The following CAPG variants were observed in gnomAD, a reference collection of about 807,000 sequenced individuals.
The protein encoded by CAPG is capping actin protein, gelsolin like.
In CAPG, 32 loss-of-function variants were observed where a neutral mutation model predicts 44.6. The observed-to-expected ratio is 0.72, with a 90% CI of 0.54 to 0.96. The LOEUF is 0.96. Among genes scored for constraint, CAPG ranks in the 50% least tolerant of loss-of-function variants. The pLI is 0.00. For missense variants in CAPG, 412 were observed against 438.3 expected (o/e 0.94, Z 0.54); for synonymous variants, 175 against 179.6 (o/e 0.97, Z 0.20).
intron 1 of CAPG, among the ~76,000 whole-genome samples, chr2:85,407,980 C>A (rs1257402112): frequency 2.0e-5 from 3 of 152,102 alleles, no homozygotes; most frequent in South Asian, 2.1e-4. Context: ...CCTATCCCAG[C>A]CCTCTGTCCA....
At chr2:85,402,198 C>T in intron 1 of CAPG, 40 bp from the exon 2 acceptor site, 1 of 1,535,252 alleles carries the variant, frequency 6.5e-7, no homozygotes, top group Non-Finnish European at 8.9e-7. Context: ...ACAAATGCCA[C>T]AAAAAGGACC....
Position 85,401,298 on chromosome 2 carries a change from G to A in CAPG, c.383C>T (p.Thr128Ile), listed in dbSNP as rs1355064075. The A allele has an allele frequency of 3.1e-6, 5 of 1,614,034 alleles. No individual in the cohort carries two copies. The highest frequency in any genetic ancestry group is 1.3e-5 in the African/African-American group (1 of 74,918). ...EGGVESAFHK[T>I]STGAPAAIKK... ...GATGGCAGCTGGGGCTCCTGTGGAG[G>A]TCTTGTGAAATGCTGACTCCACACC... The change falls in exon 5 of 10, where the codon ACC (threonine) becomes ATC (isoleucine). Residue 128 changes from threonine (T) to isoleucine (I), a missense_variant. By Grantham distance (89) the Thr-to-Ile change is moderately conservative (BLOSUM62 -1). Coordinates refer to ENST00000263867, the MANE Select transcript of CAPG (RefSeq NM_001747.4).
chr2:85,398,635 T>C, intron 7 of CAPG, 55 bp downstream of exon 7: 11 of 1,399,504 alleles, frequency 7.9e-6, no homozygotes, highest in Non-Finnish European at 1.1e-5. Context: ...AGCTGTGCTG[T>C]GCAGGCTCCC....
chr2:85,400,075 T>C (rs182570654), intron 5 of CAPG, among the ~76,000 whole-genome samples: 161 of 152,314 alleles, frequency 1.1e-3, no homozygotes, highest in Non-Finnish European at 1.8e-3. Context: ...ATATCTCCTA[T>C]GTTTAAACGT....
At position 85,396,390 on chromosome 2, in the gene CAPG, C is replaced by T. The variant is rs192387892; in HGVS notation, c.893-764G>A. Among the ~76,000 whole-genome samples, 158 of 151,972 alleles carry T rather than the reference C, an allele frequency of 1.0e-3. 1 individual carries two copies. Among genetic ancestry groups the T allele is most frequent in the African/African-American group, 3.4e-3 (141 of 41,448 alleles). Reference sequence around the variant, plus strand: ...TTTTTTTTGTAGAGAAGTGATATTTCGCCATGTTGCCCAGGCTGCCAGACA... The same window carrying T: ...TTTTTTTTGTAGAGAAGTGATATTTTGCCATGTTGCCCAGGCTGCCAGACA... On this transcript the variant is annotated intron_variant, in intron 8 of 9. Coordinates refer to ENST00000263867, the MANE Select transcript of CAPG (RefSeq NM_001747.4).
chr2:85,398,963 G>C (rs1054735916), intron 6 of CAPG, among the ~76,000 whole-genome samples, 173 bp downstream of exon 6: 1 of 152,176 alleles, frequency 6.6e-6, no homozygotes, highest in Non-Finnish European at 1.5e-5. Context: ...GCTCAGCCTC[G>C]AGGACGAGCA....
chr2:85,413,047 G>C (rs913774417), upstream of CAPG: 1 of 152,236 alleles, frequency 6.6e-6, no homozygotes, highest in Non-Finnish European at 1.5e-5. Flanking sequence ...TTTCTCCACA[G>C]GAGGAAAGAA....
intron 1 of CAPG, among the ~76,000 whole-genome samples, chr2:85,410,011 A>G (rs981278066): frequency 2.0e-5 from 3 of 152,230 alleles, no homozygotes; most frequent in Admixed American, 6.5e-5. Context: ...GGTCTGGCAC[A>G]GCTGGGACAA....
At chr2:85,413,666 T>C (rs969119972), upstream of CAPG, among the ~76,000 whole-genome samples, 1 of 152,168 alleles carries the variant, frequency 6.6e-6, no homozygotes, top group African/African-American at 2.4e-5. Context: ...TCAATGCACA[T>C]GCTAATGAGT....
chr2:85,398,669 G>A, intron 7 of CAPG, 21 bp downstream of exon 7: 6 of 1,577,458 alleles, frequency 3.8e-6, no homozygotes, highest in Admixed American at 1.8e-5. Flanking sequence ...CCGGGTCCCA[G>A]GGCAGGCTTG....
chr2:85,407,883 G>GCCTC (rs1371336903), intron 1 of CAPG, among the ~76,000 whole-genome samples: 1 of 152,062 alleles, frequency 6.6e-6, no homozygotes, highest in Non-Finnish European at 1.5e-5. Flanking sequence ...AACTCCTGCT[G>GCCTC]CCTCATTAGA....
At chr2:85,414,696 T>C (rs759369754), upstream of CAPG, among the ~76,000 whole-genome samples, 2 of 151,870 alleles carry the variant, frequency 1.3e-5, no homozygotes, top group Non-Finnish European at 2.9e-5. Context: ...CCTCCCAAAG[T>C]GCTGGCATTA....
chr2:85,398,275 T>G, intron 7 of CAPG, 123 bp from the exon 8 acceptor site: 3 of 1,149,744 alleles, frequency 2.6e-6, no homozygotes, highest in Non-Finnish European at 3.7e-6. Context: ...ACTGCCCAGG[T>G]CCCAGGAGCA....
chr2:85,404,951 A>T lies in CAPG; in HGVS notation c.-13-2793T>A, dbSNP rs76188693. ...ACCCCCTCTCAAAAAAAAAAAAAAA[A>T]TTTTTTTTTTACCCACAAACTAGGA... On this transcript the variant is annotated intron_variant, in intron 1 of 9. Coordinates refer to ENST00000263867, the MANE Select transcript of CAPG (RefSeq NM_001747.4). 1.4e-4 allele frequency among the ~76,000 whole-genome samples: 18 copies of T among 126,254 alleles called. 1 individual carries two copies. Among genetic ancestry groups the T allele is most frequent in the African/African-American group, 2.8e-4 (10 of 36,288 alleles). 82.8% of individuals were successfully genotyped at this position (126,254 alleles called of 152,430 possible). A position where few individuals can be genotyped will look rare whatever the true frequency, so the allele number is the denominator to read the frequency against.
chr2:85,395,053 T>A lies in CAPG; in HGVS notation c.982-95A>T. ...AGGGGGCCAGAGCCAGGGAGGAGGG[T>A]GTGGGCGCCTGGCCTGAATCCATGT... On this transcript the variant is annotated intron_variant, in intron 9 of 9. Coordinates refer to ENST00000263867, the MANE Select transcript of CAPG (RefSeq NM_001747.4). This position sits in a 1 kb window ranked among gnomAD's most constrained non-coding sequence, Gnocchi z 4.3. 1 of 824,684 alleles carries A rather than the reference T, an allele frequency of 1.2e-6. No homozygotes were observed. The highest frequency in any genetic ancestry group is 2.1e-6 in the Non-Finnish European group (1 of 482,804). 51.1% of individuals were successfully genotyped at this position (824,684 alleles called of 1,614,324 possible).
chr2:85,397,680 G>A (rs1185550681), intron 8 of CAPG, among the ~76,000 whole-genome samples: 1 of 148,994 alleles, frequency 6.7e-6, no homozygotes, highest in Non-Finnish European at 1.5e-5. Context: ...TCCAGCCTGG[G>A]TAACAGAGCA....
At chr2:85,417,929 C>T (rs777851397) in intron 1 of CAPG, among the ~76,000 whole-genome samples, 11 of 152,164 alleles carry the variant, frequency 7.2e-5, no homozygotes, top group African/African-American at 9.7e-5. Flanking sequence ...CCCTCCCAAA[C>T]TCGGTTTATT....
Position 85,399,185 on chromosome 2 carries a change from G to A in CAPG, c.617C>T (p.Ala206Val). 4 of 1,614,234 alleles carry A rather than the reference G, an allele frequency of 2.5e-6. No individual in the cohort carries two copies. The highest frequency in any genetic ancestry group is 3.4e-6 in the Non-Finnish European group (4 of 1,180,040). ...CCCATCAGTGACAATCTCCACCTGGGCCTTGCCCTGTCGCTCACTGTCCCG... is the reference window on the plus strand; with the variant it reads ...CCCATCAGTGACAATCTCCACCTGGACCTTGCCCTGTCGCTCACTGTCCCG... ...AIRDSERQGKAQVEIVTDGEE... is the reference protein window; with the variant it reads ...AIRDSERQGKVQVEIVTDGEE... The change falls in exon 6 of 10, where the codon GCC (alanine) becomes GTC (valine). Residue 206 changes from alanine (A) to valine (V), a missense_variant. Transcript: ENST00000263867.
downstream of CAPG, among the ~76,000 whole-genome samples, chr2:85,394,380 A>T (rs2104775115): frequency 1.3e-5 from 2 of 152,384 alleles, 1 homozygote; most frequent in Middle Eastern, 6.8e-3. Context: ...CAATTGTGAA[A>T]GGCTGTCCTC....
Sources: gnomAD v4.1 joint callset for allele counts (sites outside exome capture counted in the v4.1 genomes callset) on GRCh38, gnomAD v4.1.1 for gene constraint, Gnocchi (gnomAD v3.1) non-coding constraint, MANE v1.5 for transcripts, NCBI Gene and HGNC (gene_info 2026-07-23, HGNC 2026-07-21) for gene names.